Variants in GTF3C2 observed in about 807,000 individuals in gnomAD.
The protein encoded by GTF3C2 is general transcription factor 3C polypeptide 2.
Under a neutral mutation model 117.4 loss-of-function variants are expected in GTF3C2, and 17 were observed. The ratio of observed to expected loss-of-function variants is 0.14; its 90% CI spans 0.10 to 0.22. The LOEUF is 0.22. GTF3C2 is among the 10% of genes least tolerant of loss of function. The probability of loss-of-function intolerance (pLI) is 1.00; values close to 1 mark genes in which losing one functional copy is unlikely to be tolerated. For synonymous variants in GTF3C2, 437 were observed against 427.0 expected (o/e 1.02, Z -0.29); for missense variants, 888 against 1,143.6 (o/e 0.78, Z 3.22).
At chr2:27,328,296 T>G (rs1680156886) in intron 16 of GTF3C2, 107 bp from the exon 17 acceptor site, 1 of 1,021,720 alleles carries the variant, frequency 9.8e-7, no homozygotes, top group Admixed American at 2.3e-5. Context: ...AAGTAGTATC[T>G]TTAAATATAT....
At chr2:27,342,445 T>G in intron 3 of GTF3C2, 1 of 572,864 alleles carries the variant, frequency 1.7e-6, no homozygotes, top group East Asian at 2.8e-5. Context: ...AAATGTGGAA[T>G]CTGAACCCAG....
chr2:27,356,305 T>G, intron 1 of GTF3C2: 1 of 373,898 alleles, frequency 2.7e-6, no homozygotes, highest in Non-Finnish European at 5.3e-6. Flanking sequence ...CTGAAAGAGA[T>G]TGACCCACAA....
Position 27,343,570 on chromosome 2 carries a change from T to C in GTF3C2, c.-16A>G, listed in dbSNP as rs1680820049. 5 of 1,613,074 alleles carry C rather than the reference T, an allele frequency of 3.1e-6. No individual in the cohort carries two copies. The East Asian group carries it at 8.9e-5, about 29-fold the overall frequency. Reference sequence around the variant, plus strand: ...AGGTATCCATCAGCACCCCCCAAAATGGCTGCCCCTGCATACAGAGACACA... The same window carrying C: ...AGGTATCCATCAGCACCCCCCAAAACGGCTGCCCCTGCATACAGAGACACA... On this transcript the variant is annotated 5_prime_UTR_variant, in exon 2 of 19. Coordinates refer to ENST00000264720, the Ensembl canonical transcript of GTF3C2.
chr2:27,348,405 A>T (rs1680995290), intron 1 of GTF3C2, among the ~76,000 whole-genome samples: 1 of 150,902 alleles, frequency 6.6e-6, no homozygotes, highest in African/African-American at 2.4e-5. Context: ...GCGTTCCTGC[A>T]CTCCAGCCTG....
chr2:27,334,030 A>G, intron 10 of GTF3C2, 31 bp from the exon 11 acceptor site: 2 of 1,582,846 alleles, frequency 1.3e-6, no homozygotes, highest in Non-Finnish European at 1.7e-6. Context: ...AACTAACTCT[A>G]TGGATCCCAA....
chr2:27,329,426 T>C lies in GTF3C2; in HGVS notation c.1830A>G (p.Leu610=). 1 of 1,614,054 alleles carries C rather than the reference T, an allele frequency of 6.2e-7. No individual in the cohort carries two copies. Among genetic ancestry groups the C allele is most frequent in the Non-Finnish European group, 8.5e-7 (1 of 1,179,980 alleles). The change falls in exon 13 of 19, where the codon CTA becomes CTG. Residue 610 remains leucine (L), a synonymous_variant. Transcript: ENST00000264720. The surrounding 1 kb of genome is among the most constrained non-coding windows in gnomAD (Gnocchi z 4.5). ...GGGTACGCACAGCCTGGTCATGGGC[T>C]AGGAAACACTGGAAGGGGTAGAGCT...
chr2:27,339,092 G>A (rs1014188809), intron 4 of GTF3C2, among the ~76,000 whole-genome samples: 2 of 152,000 alleles, frequency 1.3e-5, no homozygotes, highest in African/African-American at 4.8e-5. Flanking sequence ...TGAGGCAAAT[G>A]GAAAAAAACA....
chr2:27,340,845 C>G (rs936045698), intron 4 of GTF3C2: 10 of 150,846 alleles, frequency 6.6e-5, no homozygotes, highest in African/African-American at 2.2e-4. Flanking sequence ...CCAGGCTGGT[C>G]TCGAACTCTT....
intron 10 of GTF3C2, 173 bp downstream of exon 10, chr2:27,335,423 CAA>C (rs749508464): frequency 1.5e-5 from 11 of 712,614 alleles, no homozygotes; most frequent in African/African-American, 5.3e-5. Context: ...TGTAAGACTG[CAA>C]AAGAGAGAGG....
intron 4 of GTF3C2, among the ~76,000 whole-genome samples, chr2:27,338,916 C>T (rs1487059556): frequency 6.6e-6 from 1 of 152,136 alleles, no homozygotes; most frequent in East Asian, 1.9e-4. Flanking sequence ...AATCCTCTTG[C>T]CTCAGCCTCC....
rs548418365 is a variant in GTF3C2, at chr2:27,338,659, C to CCTA, written c.856-640_856-639insTAG. ...TCAAGCAATCCTCTCACCTCTGCCT[C>CCTA]CTGAGTAGCTGGGACTACAGGCACA... On this transcript the variant is annotated intron_variant, in intron 4 of 18. Transcript: ENST00000264720. Among the ~76,000 whole-genome samples the CCTA allele has an allele frequency of 1.8e-4, 28 of 152,282 alleles. No homozygotes were observed. The South Asian group carries it at 4.4e-3, about 24-fold the overall frequency.
chr2:27,355,936 G>T (rs1681358081), intron 1 of GTF3C2, among the ~76,000 whole-genome samples: 1 of 152,124 alleles, frequency 6.6e-6, no homozygotes, highest in Admixed American at 6.6e-5. Flanking sequence ...CTTAGGTCGA[G>T]ACTAATGCAT....
intron 1 of GTF3C2, among the ~76,000 whole-genome samples, chr2:27,349,335 G>C (rs1224541938): frequency 6.7e-6 from 1 of 150,098 alleles, no homozygotes; most frequent in Non-Finnish European, 1.5e-5. Context: ...TTTTAGTAGA[G>C]ACGGGGTTTC....
chr2:27,338,061 A>G (rs1445998423), intron 4 of GTF3C2, 41 bp from the exon 5 acceptor site: 1 of 1,238,370 alleles, frequency 8.1e-7, no homozygotes, highest in Non-Finnish European at 1.2e-6. Context: ...AGCAAATTCT[A>G]CAGGTTGGAC....
chr2:27,336,761 A>C (rs190218034), intron 7 of GTF3C2: 132 of 266,624 alleles, frequency 5.0e-4, no homozygotes, highest in Non-Finnish European at 8.5e-4. Flanking sequence ...GGCATATGCC[A>C]CCATACCCCA....
Position 27,332,834 on chromosome 2 carries a change from G to A in GTF3C2, c.1732+821C>T, listed in dbSNP as rs569927849. 5.3e-5 allele frequency among the ~76,000 whole-genome samples: 8 copies of A among 152,138 alleles called. No individual in the cohort carries two copies. In the South Asian group the frequency reaches 1.7e-3, roughly 32 times the overall value. On this transcript the variant is annotated intron_variant, in intron 12 of 18. Transcript: ENST00000264720. ...AGCTTCAAGCGATTCTCCTGCCTCA[G>A]CCTCCCCAGTAGTTGGGACTACAGG...
intron 9 of GTF3C2, 59 bp downstream of exon 9, chr2:27,335,858 A>G: frequency 3.2e-6 from 4 of 1,230,926 alleles, no homozygotes; most frequent in Non-Finnish European, 4.8e-6. Context: ...AAGAATTCCC[A>G]GGGCCTCTTT....
At chr2:27,348,438 A>T (rs1268952542) in intron 1 of GTF3C2, among the ~76,000 whole-genome samples, 2 of 152,002 alleles carry the variant, frequency 1.3e-5, no homozygotes, top group Non-Finnish European at 2.9e-5. Context: ...TGTCTCAAAA[A>T]ACAAAAAACA....
intron 4 of GTF3C2, chr2:27,340,246 T>A (rs1489956137): frequency 6.6e-6 from 1 of 152,026 alleles, no homozygotes; most frequent in African/African-American, 2.4e-5. Flanking sequence ...TTACCTTACA[T>A]ATCTCTTCTT....
Sources: allele counts gnomAD v4.1 joint callset (sites outside exome capture counted in the v4.1 genomes callset), GRCh38; gene constraint gnomAD v4.1.1; non-coding constraint Gnocchi (gnomAD v3.1); transcripts MANE v1.5; gene names NCBI Gene and HGNC (gene_info 2026-07-23, HGNC 2026-07-21).